TCP10L: variants seen among roughly 807,000 people sequenced by gnomAD.
TCP10L encodes the protein t-complex 10 like.
TCP10L carries 11 observed loss-of-function variants against 19.2 expected under a neutral mutation model. The observed-to-expected ratio is 0.57, with a 90% CI of 0.36 to 0.95. The LOEUF is 0.95. Among genes scored for constraint, TCP10L ranks in the 40% least tolerant of loss-of-function variants. TCP10L has a pLI of 0.01. For missense variants in TCP10L, 247 were observed against 263.9 expected (o/e 0.94, Z 0.44); for synonymous variants, 96 against 97.2 (o/e 0.99, Z 0.07).
Position 32,578,707 on chromosome 21 carries a change from G to A in TCP10L, c.485C>T (p.Ser162Leu), listed in dbSNP as rs772009579. 5 of 1,613,972 alleles carry A rather than the reference G, an allele frequency of 3.1e-6. No homozygotes were observed. The African/African-American group carries it at 4.0e-5, about 13-fold the overall frequency. Residue 162 changes from serine to leucine, a missense_variant, in exon 4 of 5, where the codon TCA becomes TTA. Ser to Leu is a moderately radical substitution (Grantham distance 145). Transcript: ENST00000300258. The surrounding 1 kb of genome is among the most constrained non-coding windows in gnomAD (Gnocchi z 4.2). The part of the protein sequence containing the change: ...LLGQRSSSNN[S>L]APPKPMSLKI... ...ACAAAGGGTCACCTTTGGAGGAGCT[G>A]AATTGTTAGATGACGATCTTTGTCC...
In TCP10L at chr21:32,578,007, C is replaced by T. The variant is rs1453068733; in HGVS notation, c.498+687G>A. On this transcript the variant is annotated intron_variant, in intron 4 of 4. Transcript: ENST00000300258. This position sits in a 1 kb window ranked among gnomAD's most constrained non-coding sequence, Gnocchi z 4.2. The stretch of plus-strand genomic sequence containing the variant: ...AGAAACATGTCCTTAAGGCACAGAT[C>T]GCTCATGCTACTGTTTGTGGTTTAA... Among the ~76,000 whole-genome samples the T allele has an allele frequency of 3.3e-5, 5 of 152,242 alleles. No individual in the cohort carries two copies. Among genetic ancestry groups the T allele is most frequent in the Non-Finnish European group, 7.3e-5 (5 of 68,044 alleles).
At position 32,582,955 on chromosome 21, in the gene TCP10L, A is replaced by G. The variant is rs567208053; in HGVS notation, c.145-540T>C. Among the ~76,000 whole-genome samples the G allele has an allele frequency of 6.6e-6, 1 of 151,918 alleles. No individual in the cohort carries two copies. Among genetic ancestry groups the G allele is most frequent in the Non-Finnish European group, 1.5e-5 (1 of 67,964 alleles). Reference sequence around the variant, plus strand: ...TAGTCCACATAATATAACCAGATAAAGATGGTTAGTGAATTATGATTTTTT... The same window carrying G: ...TAGTCCACATAATATAACCAGATAAGGATGGTTAGTGAATTATGATTTTTT... On this transcript the variant is annotated intron_variant, in intron 2 of 4. Transcript: ENST00000300258. The surrounding 1 kb of genome is among the most constrained non-coding windows in gnomAD (Gnocchi z 4.2).
intron 3 of TCP10L, among the ~76,000 whole-genome samples, chr21:32,581,495 G>A (rs1601125194): frequency 6.6e-6 from 1 of 152,104 alleles, no homozygotes; most frequent in Non-Finnish European, 1.5e-5. Context: ...AAGAGCTCCC[G>A]CACTGTAACA....
chr21:32,582,494 T>C lies in TCP10L; in HGVS notation c.145-79A>G. 1 of 1,358,450 alleles carries C rather than the reference T, an allele frequency of 7.4e-7. No individual in the cohort carries two copies. Among genetic ancestry groups the C allele is most frequent in the Non-Finnish European group, 1.0e-6 (1 of 983,540 alleles). The allele number at this position is 1,358,450 out of a possible 1,614,324, so 84.1% of individuals were successfully genotyped here. A position where few individuals can be genotyped will look rare whatever the true frequency, so the allele number is the denominator to read the frequency against. On this transcript the variant is annotated intron_variant, in intron 2 of 4. Transcript: ENST00000300258. The surrounding 1 kb of genome is among the most constrained non-coding windows in gnomAD (Gnocchi z 4.2). ...ATTTATCTGCAAAATACTCAAGCCCTCTCTGATGTAAGACCAACACTATTT... is the reference window on the plus strand; with the variant it reads ...ATTTATCTGCAAAATACTCAAGCCCCCTCTGATGTAAGACCAACACTATTT...
chr21:32,576,049 G>A lies in TCP10L; in HGVS notation c.*725C>T. ...GCTGGGGGTGTTGGCAAGTCTCACA[G>A]GTGAGGACCCAACGAGGGAATCAGA... On this transcript the variant is annotated 3_prime_UTR_variant, in exon 5 of 5. Transcript: ENST00000300258. The A allele has an allele frequency of 2.3e-6, 1 of 443,910 alleles. No individual in the cohort carries two copies. The highest frequency in any genetic ancestry group is 6.3e-4 in the Middle Eastern group (1 of 1,584). The allele number at this position is 443,910 out of a possible 1,614,324, so 27.5% of individuals were successfully genotyped here. A position where few individuals can be genotyped will look rare whatever the true frequency, so the allele number is the denominator to read the frequency against.
At chr21:32,577,556 C>T (rs1324372550) in intron 4 of TCP10L, 1 of 152,310 alleles carries the variant, frequency 6.6e-6, no homozygotes, top group Non-Finnish European at 1.5e-5. Flanking sequence ...CTTCTCCATC[C>T]ACATCAACCC....
Position 32,578,834 on chromosome 21 carries a change from A to G in TCP10L, c.361-3T>C. On this transcript the variant is annotated splice_region_variant and splice_polypyrimidine_tract_variant and intron_variant, in intron 3 of 4. Coordinates refer to ENST00000300258, the MANE Select transcript of TCP10L (RefSeq NM_144659.7). The surrounding 1 kb of genome is among the most constrained non-coding windows in gnomAD (Gnocchi z 4.2). ...TTTCCAAAAGCAGGTTCCAATGCCT[A>G]AAAGACAAAATGCAGGGAAATTCTT... 1 of 1,614,122 alleles carries G rather than the reference A, an allele frequency of 6.2e-7. No homozygotes were observed. Among genetic ancestry groups the G allele is most frequent in the South Asian group, 1.1e-5 (1 of 91,010 alleles).
intron 3 of TCP10L, among the ~76,000 whole-genome samples, chr21:32,581,683 C>T (rs954014393): frequency 9.2e-5 from 14 of 152,164 alleles, no homozygotes; most frequent in African/African-American, 3.1e-4. Flanking sequence ...TTTCCCGTTT[C>T]AACAGGTCTC....
rs992638600 is a variant in TCP10L, at chr21:32,578,261, G to A, written c.498+433C>T. Among the ~76,000 whole-genome samples the A allele has an allele frequency of 8.5e-5, 13 of 152,318 alleles. No individual in the cohort carries two copies. The highest frequency in any genetic ancestry group is 2.2e-4 in the African/African-American group (9 of 41,580). On this transcript the variant is annotated intron_variant, in intron 4 of 4. Coordinates refer to ENST00000300258, the MANE Select transcript of TCP10L (RefSeq NM_144659.7). This position sits in a 1 kb window ranked among gnomAD's most constrained non-coding sequence, Gnocchi z 4.2. The stretch of plus-strand genomic sequence containing the variant: ...GTACTGTGGCTCCCAAGCTAACAGC[G>A]CCACCCCTGTTCAGAGGAGTCCACG...
chr21:32,581,334 CT>C (rs1239538479), intron 3 of TCP10L, among the ~76,000 whole-genome samples: 1 of 152,214 alleles, frequency 6.6e-6, no homozygotes, highest in Non-Finnish European at 1.5e-5. Context: ...AATAAAAAAC[CT>C]TGCACCCATC....
Position 32,576,294 on chromosome 21 carries a change from T to C in TCP10L, c.*480A>G, listed in dbSNP as rs2038432791. 6.4e-7 allele frequency: 1 copy of C among 1,571,254 alleles called. No individual in the cohort carries two copies. Among genetic ancestry groups the C allele is most frequent in the Non-Finnish European group, 8.7e-7 (1 of 1,148,218 alleles). On this transcript the variant is annotated 3_prime_UTR_variant, in exon 5 of 5. Transcript: ENST00000300258. ...CTGGTGATTTTCTGCCACTCAAGTT[T>C]TGCAGACTTCGGGAAGATGGATGCA...
At chr21:32,580,089 T>A (rs1340418617) in intron 3 of TCP10L, among the ~76,000 whole-genome samples, 1 of 152,090 alleles carries the variant, frequency 6.6e-6, no homozygotes, top group Non-Finnish European at 1.5e-5. Context: ...GAGGAACTTG[T>A]GGCAGTTTTT....
rs550193824 is a variant in TCP10L at position 32,576,557 on chromosome 21, C to T, written c.*217G>A. The T allele has an allele frequency of 2.9e-5, 18 of 624,586 alleles. No homozygotes were observed. Among genetic ancestry groups the T allele is most frequent in the Non-Finnish European group, 4.9e-5 (18 of 369,964 alleles). The allele number at this position is 624,586 out of a possible 1,614,324, so 38.7% of individuals were successfully genotyped here. On this transcript the variant is annotated 3_prime_UTR_variant, in exon 5 of 5. Coordinates refer to ENST00000300258, the MANE Select transcript of TCP10L (RefSeq NM_144659.7). ...TCAGGAAAGCAACTGATTTATAAAA[C>T]CCAATCCAAGTTGTTTGCTTTTATA...
In TCP10L at chr21:32,584,193, G is replaced by C. The variant is rs769584389; in HGVS notation, c.112C>G (p.Leu38Val). The change falls in exon 2 of 5, where the codon CTC becomes GTC. Residue 38 changes from leucine to valine, a missense_variant. By Grantham distance (32) the Leu-to-Val change is conservative (BLOSUM62 1). Transcript: ENST00000300258. ...MEKTAVAAEV[L>V]TEDCNTGEMP... ...TCCCCAGTGTTGCAGTCCTCCGTGA[G>C]AACCTCGGCTGCCACAGCTGTCTTC... 17 of 1,614,038 alleles carry C rather than the reference G, an allele frequency of 1.1e-5. No homozygotes were observed. The Admixed American group carries it at 2.8e-4, about 27-fold the overall frequency.
chr21:32,579,603 C>T (rs186586920), intron 3 of TCP10L, among the ~76,000 whole-genome samples: 4 of 152,266 alleles, frequency 2.6e-5, no homozygotes, highest in African/African-American at 4.8e-5. Flanking sequence ...AATAGCCCCA[C>T]GGTGACCAGT....
At position 32,582,464 on chromosome 21, in the gene TCP10L, G is replaced by C; in HGVS notation, c.145-49C>G. 6.4e-7 allele frequency: 1 copy of C among 1,560,454 alleles called. No individual in the cohort carries two copies. Among genetic ancestry groups the C allele is most frequent in the Non-Finnish European group, 8.7e-7 (1 of 1,150,366 alleles). On this transcript the variant is annotated intron_variant, in intron 2 of 4. Coordinates refer to ENST00000300258, the MANE Select transcript of TCP10L (RefSeq NM_144659.7). The surrounding 1 kb of genome is among the most constrained non-coding windows in gnomAD (Gnocchi z 4.2). ...GAAAAACCTCTCAGATGTCACAATGGGCACATTTATCTGCAAAATACTCAA... is the reference window on the plus strand; with the variant it reads ...GAAAAACCTCTCAGATGTCACAATGCGCACATTTATCTGCAAAATACTCAA...
rs370610209 is a variant in TCP10L at position 32,578,203 on chromosome 21, G to T, written c.498+491C>A. ...GGCCAGTTTATGGCCAGATCTGGGG[G>T]CCTATTCCCAACAAGAGACAAAATA... On this transcript the variant is annotated intron_variant, in intron 4 of 4. Coordinates refer to ENST00000300258, the MANE Select transcript of TCP10L (RefSeq NM_144659.7). This position sits in a 1 kb window ranked among gnomAD's most constrained non-coding sequence, Gnocchi z 4.2. Among the ~76,000 whole-genome samples the T allele has an allele frequency of 1.1e-3, 163 of 152,338 alleles. No homozygotes were observed. The highest frequency in any genetic ancestry group is 3.6e-3 in the African/African-American group (150 of 41,586).
In TCP10L at chr21:32,584,418, C is replaced by T. The variant is rs534931039; in HGVS notation, c.-1-113G>A. The T allele has an allele frequency of 7.9e-5, 111 of 1,411,364 alleles. 1 individual carries two copies. In the South Asian group the frequency reaches 1.6e-3, roughly 20 times the overall value. 87.4% of individuals were successfully genotyped at this position (1,411,364 alleles called of 1,614,324 possible). ...AGGGTGAGCAGGACCCGCAGCCGCT[C>T]CTTCTCCCCCTGGGTCATGTGCACA... On this transcript the variant is annotated intron_variant, in intron 1 of 4. Coordinates refer to ENST00000300258, the MANE Select transcript of TCP10L (RefSeq NM_144659.7).
chr21:32,578,453 T>C lies in TCP10L; in HGVS notation c.498+241A>G, dbSNP rs2038458078. Among the ~76,000 whole-genome samples the C allele has an allele frequency of 6.6e-6, 1 of 152,228 alleles. No individual in the cohort carries two copies. The highest frequency in any genetic ancestry group is 1.9e-4 in the East Asian group (1 of 5,196). Reference sequence around the variant, plus strand: ...TCGGCCCCAGCCAGACGCTTGCTGCTGTGAGTGTACTCAGAGGGAAGCAGC... The same window carrying C: ...TCGGCCCCAGCCAGACGCTTGCTGCCGTGAGTGTACTCAGAGGGAAGCAGC... On this transcript the variant is annotated intron_variant, in intron 4 of 4. Transcript: ENST00000300258. This position sits in a 1 kb window ranked among gnomAD's most constrained non-coding sequence, Gnocchi z 4.2.
Sources: gnomAD v4.1 joint callset for allele counts (sites outside exome capture counted in the v4.1 genomes callset) on GRCh38, gnomAD v4.1.1 for gene constraint, Gnocchi (gnomAD v3.1) non-coding constraint, MANE v1.5 for transcripts, NCBI Gene and HGNC (gene_info 2026-07-23, HGNC 2026-07-21) for gene names.